ATP6V0E1: variants seen among roughly 807,000 people sequenced by gnomAD.
The protein encoded by ATP6V0E1 is V-type proton ATPase subunit e 1.
In ATP6V0E1, 4 loss-of-function variants were observed where a neutral mutation model predicts 11.6. The ratio of observed to expected loss-of-function variants is 0.35; its 90% CI spans 0.17 to 0.79. The LOEUF is 0.79. ATP6V0E1 is among the 30% of genes least tolerant of loss of function. ATP6V0E1 has a pLI of 0.54. For missense variants in ATP6V0E1, 105 were observed against 100.0 expected (o/e 1.05, Z -0.21); for synonymous variants, 36 against 34.8 (o/e 1.04, Z -0.13).
At chr5:173,019,962 A>C (rs998514847) in intron 2 of ATP6V0E1, among the ~76,000 whole-genome samples, 1 of 152,218 alleles carries the variant, frequency 6.6e-6, no homozygotes, top group Non-Finnish European at 1.5e-5. Flanking sequence ...GAAATCTTGG[A>C]TACTTGGAAA....
At chr5:173,031,239 C>T (rs550638013) in intron 3 of ATP6V0E1, among the ~76,000 whole-genome samples, 31 of 151,576 alleles carry the variant, frequency 2.0e-4, no homozygotes, top group Admixed American at 8.6e-4. Context: ...CCACCGTGCC[C>T]GGCCTAATTT....
chr5:173,018,489 G>T (rs1581633774), intron 2 of ATP6V0E1, among the ~76,000 whole-genome samples: 1 of 152,132 alleles, frequency 6.6e-6, no homozygotes, highest in African/African-American at 2.4e-5. Flanking sequence ...AAGTCGACCT[G>T]CATGGTTCAA....
chr5:173,018,087 A>C (rs561630040), intron 2 of ATP6V0E1, among the ~76,000 whole-genome samples: 157 of 152,262 alleles, frequency 1.0e-3, no homozygotes, highest in South Asian at 2.1e-3. Context: ...TCCCCTGCAC[A>C]GTTGAAAATC....
chr5:173,003,478 G>A (rs1481173137), intron 2 of ATP6V0E1, among the ~76,000 whole-genome samples: 1 of 152,190 alleles, frequency 6.6e-6, no homozygotes, highest in Non-Finnish European at 1.5e-5. Context: ...TTTTAATGAA[G>A]GAGTGGTGTG....
chr5:172,992,038 C>G (rs1372947774), intron 1 of ATP6V0E1, among the ~76,000 whole-genome samples: 1 of 145,076 alleles, frequency 6.9e-6, no homozygotes, highest in Non-Finnish European at 1.5e-5. Context: ...TTCTCTCTCT[C>G]TCTTTTCTTT....
chr5:172,988,339 C>G (rs1279901844), intron 1 of ATP6V0E1, among the ~76,000 whole-genome samples: 1 of 152,224 alleles, frequency 6.6e-6, no homozygotes, highest in African/African-American at 2.4e-5. Flanking sequence ...AGCAGTGTCT[C>G]TCCTAGGAAG....
At chr5:172,994,671 A>G (rs533025872) in intron 1 of ATP6V0E1, 104 bp from the exon 2 acceptor site, 19 of 939,220 alleles carry the variant, frequency 2.0e-5, no homozygotes, top group South Asian at 7.0e-5. Flanking sequence ...TTGGTGTGCA[A>G]TCCATGCCAG....
At chr5:173,025,181 T>C in intron 3 of ATP6V0E1, among the ~76,000 whole-genome samples, 1 of 135,526 alleles carries the variant, frequency 7.4e-6, no homozygotes, top group African/African-American at 2.9e-5. Flanking sequence ...AGAGTCCTGC[T>C]CTGTTGCCAA....
At chr5:173,020,060 C>T (rs1756456520) in intron 2 of ATP6V0E1, among the ~76,000 whole-genome samples, 178 bp from the exon 3 acceptor site, 1 of 152,136 alleles carries the variant, frequency 6.6e-6, no homozygotes, top group African/African-American at 2.4e-5. Flanking sequence ...AGGCAGGCTA[C>T]GTCCTGGGAA....
At chr5:173,017,198 G>T (rs116100485) in intron 2 of ATP6V0E1, among the ~76,000 whole-genome samples, 1 of 152,192 alleles carries the variant, frequency 6.6e-6, no homozygotes, top group Admixed American at 6.5e-5. Flanking sequence ...TCCTGAAAGC[G>T]TGAAAGGAGA....
intron 2 of ATP6V0E1, among the ~76,000 whole-genome samples, chr5:173,009,641 T>C (rs1300329111): frequency 6.6e-6 from 1 of 151,150 alleles, no homozygotes; most frequent in African/African-American, 2.4e-5. Flanking sequence ...ATTTTTATTT[T>C]TAGTAGAGAC....
chr5:173,009,049 A>G (rs1230400499), intron 2 of ATP6V0E1, among the ~76,000 whole-genome samples: 1 of 148,124 alleles, frequency 6.8e-6, no homozygotes, highest in Non-Finnish European at 1.5e-5. Flanking sequence ...AACATGGTGA[A>G]ACCTCGTCTC....
At chr5:172,989,046 A>C (rs577370986) in intron 1 of ATP6V0E1, among the ~76,000 whole-genome samples, 1 of 152,274 alleles carries the variant, frequency 6.6e-6, no homozygotes, top group South Asian at 2.1e-4. Context: ...AAATATCTTC[A>C]AAAAAATAAA....
intron 1 of ATP6V0E1, 28 bp from the exon 2 acceptor site, chr5:172,994,747 T>C (rs754264892): frequency 6.5e-7 from 1 of 1,536,448 alleles, no homozygotes; most frequent in South Asian, 1.2e-5. Context: ...AGTTATTTAA[T>C]GACATTTGCA....
rs776433733 is a variant in ATP6V0E1 at position 172,983,932 on chromosome 5, G to T, written c.72G>T (p.Val24=). The change falls in exon 1 of 4, where the codon GTG becomes GTT. Residue 24 remains valine (V), a synonymous_variant. Coordinates refer to ENST00000519374, the MANE Select transcript of ATP6V0E1 (RefSeq NM_003945.4). The stretch of plus-strand genomic sequence containing the variant: ...TCTGGGGCTTCGTCGGCTTCTTGGT[G>T]CCTTGGTTCATCCCTAAGGGTCCTA... ...SVFWGFVGFL[V]PWFIPKGPNR... 8.7e-6 allele frequency: 14 copies of T among 1,613,158 alleles called. No individual in the cohort carries two copies. In the East Asian group the frequency reaches 3.1e-4, roughly 36 times the overall value.
chr5:173,026,051 C>T lies in ATP6V0E1; in HGVS notation c.*36+5684C>T, dbSNP rs540347725. 5.9e-5 allele frequency among the ~76,000 whole-genome samples: 9 copies of T among 151,848 alleles called. No homozygotes were observed. In the East Asian group the frequency reaches 1.7e-3, roughly 29 times the overall value. ...TCTCACTGTTGGTCAGGCTAGAGTG[C>T]AGTGGTGTGATGTTAGCTCACTGCA... On this transcript the variant is annotated intron_variant, in intron 3 of 3. Transcript: ENST00000519374.
intron 3 of ATP6V0E1, among the ~76,000 whole-genome samples, chr5:173,025,077 G>C (rs1210366132): frequency 6.8e-6 from 1 of 146,988 alleles, no homozygotes; most frequent in Non-Finnish European, 1.5e-5. Flanking sequence ...TCTTGACCTC[G>C]TGATCCACCC....
intron 2 of ATP6V0E1, among the ~76,000 whole-genome samples, chr5:173,018,382 C>T (rs1756434328): frequency 2.0e-5 from 3 of 152,004 alleles, no homozygotes; most frequent in South Asian, 2.1e-4. Context: ...AGGGCTTGGT[C>T]CTGCTGTCTC....
chr5:173,032,269 A>G (rs1360718270), intron 3 of ATP6V0E1, among the ~76,000 whole-genome samples: 1 of 145,948 alleles, frequency 6.9e-6, no homozygotes, highest in African/African-American at 2.6e-5. Context: ...TTATTTATTT[A>G]TTTATTTATT....
Sources: allele counts gnomAD v4.1 joint callset (sites outside exome capture counted in the v4.1 genomes callset), GRCh38; gene constraint gnomAD v4.1.1; transcripts MANE v1.5; gene names NCBI Gene and HGNC (gene_info 2026-07-23, HGNC 2026-07-21).